DALRD3: variants seen among roughly 807,000 people sequenced by gnomAD.
The protein encoded by DALRD3 is DALR anticodon-binding domain-containing protein 3.
A neutral mutation model predicts 56.7 loss-of-function variants in DALRD3; 47 were observed. That is an observed-to-expected ratio of 0.83 (90% CI 0.66 to 1.06). The LOEUF is 1.06. DALRD3 is among the 50% of genes least tolerant of loss of function. The pLI, the probability that DALRD3 is intolerant of heterozygous loss-of-function variation, is 0.00. For synonymous variants in DALRD3, 347 were observed against 308.5 expected (o/e 1.12, Z -1.31); for missense variants, 787 against 724.0 (o/e 1.09, Z -1.00).
intron 5 of DALRD3, 152 bp downstream of exon 5, chr3:49,017,076 T>C (rs1398201830): frequency 8.9e-6 from 10 of 1,123,872 alleles, no homozygotes; most frequent in Middle Eastern, 2.9e-4. Context: ...CCAGAGCCTC[T>C]GCACCTGCTG....
At position 49,016,328 on chromosome 3, in the gene DALRD3, G is replaced by A. The variant is rs758059740; in HGVS notation, c.1159C>T (p.Leu387=). 6.2e-7 allele frequency: 1 copy of A among 1,607,432 alleles called. No individual in the cohort carries two copies. Among genetic ancestry groups the A allele is most frequent in the Non-Finnish European group, 8.5e-7 (1 of 1,174,704 alleles). Residue 387 remains leucine (L), a synonymous_variant, in exon 9 of 12, where the codon CTG becomes TTG. Coordinates refer to ENST00000341949, the MANE Select transcript of DALRD3 (RefSeq NM_001009996.3). ...TAPQSQLFLA[L]ADSSISTKGT... is the part of the protein sequence containing the mutation. The stretch of plus-strand genomic sequence containing the variant: ...TTCGTGGAGATACTGCTGTCAGCCA[G>A]AGCCAGGAAGAGCTGGGGAATAGAA...
intron 5 of DALRD3, 31 bp downstream of exon 5, chr3:49,017,197 G>A: frequency 6.2e-7 from 1 of 1,614,084 alleles, no homozygotes; most frequent in Non-Finnish European, 8.5e-7. Context: ...GGGTTAGGTG[G>A]TGGGGAGCTC....
chr3:49,018,620 G>A (rs2093123370), upstream of DALRD3: 5 of 1,487,566 alleles, frequency 3.4e-6, no homozygotes, highest in Non-Finnish European at 4.5e-6. Flanking sequence ...TGGAACTTCC[G>A]GAAAGGACCG....
rs1339446414 is a variant in DALRD3, at chr3:49,018,201, A to G, written c.283T>C (p.Phe95Leu). 3 of 1,447,228 alleles carry G rather than the reference A, an allele frequency of 2.1e-6. No individual in the cohort carries two copies. The African/African-American group carries it at 4.4e-5, about 21-fold the overall frequency. 89.6% of individuals were successfully genotyped at this position (1,447,228 alleles called of 1,614,324 possible). ...GCCACGGCGCTGAGGACGCGCTCGAAGACGGCGGACCGCTGCAGTTGGAGA... is the reference window on the plus strand; with the variant it reads ...GCCACGGCGCTGAGGACGCGCTCGAGGACGGCGGACCGCTGCAGTTGGAGA... ...LSLQLQRSAV[F>L]ERVLSAVAAY... is the part of the protein sequence containing the mutation. The change falls in exon 2 of 12, where the codon TTC (phenylalanine) becomes CTC (leucine). Residue 95 changes from phenylalanine (F) to leucine (L), a missense_variant. Transcript: ENST00000341949.
rs1478997046 is a variant in DALRD3, at chr3:49,016,085, C to A, written c.1331G>T (p.Gly444Val). The change falls in exon 10 of 12, where the codon GGT (glycine) becomes GTT (valine). Residue 444 changes from glycine to valine, a missense_variant and splice_region_variant. Physicochemically the swap from Gly to Val is moderately radical, Grantham distance 109. Transcript: ENST00000341949. ...ACTGTTGAAGAGCAACAACCACTCA[C>A]CCTGTTGGGGAGAAAGGTGCTGGGA... Reference protein sequence around the residue: ...SLDFSLLHDEGEWLLLFNSIL... With the variant: ...SLDFSLLHDEVEWLLLFNSIL... 6.2e-7 allele frequency: 1 copy of A among 1,604,424 alleles called. No individual in the cohort carries two copies. The highest frequency in any genetic ancestry group is 1.7e-5 in the Admixed American group (1 of 59,720).
Position 49,016,495 on chromosome 3 carries a change from C to A in DALRD3, c.1080G>T (p.Glu360Asp), listed in dbSNP as rs1213423252. 1 of 1,614,030 alleles carries A rather than the reference C, an allele frequency of 6.2e-7. No homozygotes were observed. The highest frequency in any genetic ancestry group is 8.5e-7 in the Non-Finnish European group (1 of 1,179,968). The change falls in exon 8 of 12, where the codon GAG (glutamate) becomes GAT (aspartate). Residue 360 changes from glutamate (E) to aspartate (D), a missense_variant. By Grantham distance (45) the Glu-to-Asp change is conservative. Coordinates refer to ENST00000341949, the MANE Select transcript of DALRD3 (RefSeq NM_001009996.3). The part of the protein sequence containing the change: ...GDLAQDPAWT[E>D]IFGVLSVATI... ...TGGCCACAGAGAGAACACCAAAGAT[C>A]TCTGTCCAGGCTGGGTCTGAGGGAG...
rs766982007 is a variant in DALRD3, at chr3:49,016,504, G to C, written c.1071C>G (p.Ala357=). ...AGAGAACACCAAAGATCTCTGTCCA[G>C]GCTGGGTCTGAGGGAGTATAGGGTT... is the stretch of plus-strand genomic sequence containing the variant. The part of the protein sequence containing the change: ...KHGGDLAQDP[A]WTEIFGVLSV... Residue 357 remains alanine (A), a synonymous_variant, in exon 8 of 12, where the codon GCC becomes GCG. Coordinates refer to ENST00000341949, the MANE Select transcript of DALRD3 (RefSeq NM_001009996.3). 2.2e-5 allele frequency: 36 copies of C among 1,613,824 alleles called. No homozygotes were observed. Among genetic ancestry groups the C allele is most frequent in the Non-Finnish European group, 7.6e-6 (9 of 1,179,940 alleles).
upstream of DALRD3, chr3:49,021,446 G>C (rs992477712): frequency 3.3e-5 from 5 of 153,116 alleles, no homozygotes; most frequent in South Asian, 5.7e-4. The surrounding 1 kb of genome is among the most constrained non-coding windows in gnomAD (Gnocchi z 4.1). Flanking sequence ...GGTTCGGCCT[G>C]GTCTGGGCCA....
rs1333010340 is a variant in DALRD3, at chr3:49,015,721, G to A, written c.1513-14C>T. 2 of 1,613,974 alleles carry A rather than the reference G, an allele frequency of 1.2e-6. No individual in the cohort carries two copies. Among genetic ancestry groups the A allele is most frequent in the African/African-American group, 2.7e-5 (2 of 74,950 alleles). ...TGGTCGAGGCTCCTGAAAGAGAAAGGGCCTGCTGGTCTCATCCTCTGCTTC... is the reference window on the plus strand; with the variant it reads ...TGGTCGAGGCTCCTGAAAGAGAAAGAGCCTGCTGGTCTCATCCTCTGCTTC... On this transcript the variant is annotated splice_polypyrimidine_tract_variant and intron_variant, in intron 11 of 11. Transcript: ENST00000341949.
In DALRD3 at chr3:49,016,305, C is replaced by A. The variant is rs764055896; in HGVS notation, c.1182G>T (p.Thr394=). The change falls in exon 9 of 12, where the codon ACG becomes ACT. Residue 394 remains threonine (T), a synonymous_variant. Coordinates refer to ENST00000341949, the MANE Select transcript of DALRD3 (RefSeq NM_001009996.3). ...FLALADSSIS[T]KGTKSGTFVM... is the part of the protein sequence containing the mutation. Reference sequence around the variant, plus strand: ...CAAAGGTGCCACTCTTTGTGCCCTTCGTGGAGATACTGCTGTCAGCCAGAG... The same window carrying A: ...CAAAGGTGCCACTCTTTGTGCCCTTAGTGGAGATACTGCTGTCAGCCAGAG... 2 of 1,610,906 alleles carry A rather than the reference C, an allele frequency of 1.2e-6. No homozygotes were observed. The highest frequency in any genetic ancestry group is 1.7e-6 in the Non-Finnish European group (2 of 1,177,448).
chr3:49,017,639 T>C lies in DALRD3; in HGVS notation c.692A>G (p.Tyr231Cys), dbSNP rs61743083. 6.8e-6 allele frequency: 11 copies of C among 1,614,092 alleles called. No individual in the cohort carries two copies. In the African/African-American group the frequency reaches 9.3e-5, roughly 14 times the overall value. Residue 231 changes from tyrosine to cysteine, a missense_variant, in exon 3 of 12, where the codon TAT becomes TGT. By Grantham distance (194) the Tyr-to-Cys change is radical. Coordinates refer to ENST00000341949, the MANE Select transcript of DALRD3 (RefSeq NM_001009996.3). ...CAGACAGTTGTCCAGGTTGGGGTCATAGCCAGCTGTGCGGCCCTGTTCTTC... is the reference window on the plus strand; with the variant it reads ...CAGACAGTTGTCCAGGTTGGGGTCACAGCCAGCTGTGCGGCCCTGTTCTTC... ...LVEEQGRTAG[Y>C]DPNLDNCLVT...
chr3:49,015,928 G>A, intron 10 of DALRD3, 45 bp downstream of exon 10: 1 of 1,614,168 alleles, frequency 6.2e-7, no homozygotes, highest in Non-Finnish European at 8.5e-7. Context: ...CCCCAGGCCA[G>A]AATAAAGAAT....
chr3:49,016,072 C>G lies in DALRD3; in HGVS notation c.1344G>C (p.Leu448Phe). ...GAAAGGGGAGGATACTGTTGAAGAG[C>G]AACAACCACTCACCCTGTTGGGGAG... ...SLLHDEGEWLLLFNSILPFPD... is the reference protein window; with the variant it reads ...SLLHDEGEWLFLFNSILPFPD... The change falls in exon 10 of 12, where the codon TTG becomes TTC. Residue 448 changes from leucine (L) to phenylalanine (F), a missense_variant. Leu to Phe is a conservative substitution (Grantham distance 22, BLOSUM62 0). Transcript: ENST00000341949. The G allele has an allele frequency of 6.2e-7, 1 of 1,602,044 alleles. No individual in the cohort carries two copies. The highest frequency in any genetic ancestry group is 1.7e-5 in the Admixed American group (1 of 59,624).
upstream of DALRD3, chr3:49,020,913 A>T (rs1282177448): frequency 7.5e-6 from 2 of 268,450 alleles, no homozygotes; most frequent in Non-Finnish European, 1.6e-5. Flanking sequence ...TCCGGATTAG[A>T]TCCGTGGGGC....
At chr3:49,018,896 G>A, upstream of DALRD3, 1 of 984,844 alleles carries the variant, frequency 1.0e-6, no homozygotes, top group Non-Finnish European at 1.2e-6. Context: ...AGTCTCACAT[G>A]TTTGTTTTAA....
chr3:49,018,558 T>C lies in DALRD3; in HGVS notation c.7A>G (p.Thr3Ala). MA[T>A]RRLGVGETLG... ...GTCTCCCCGACCCCAAGGCGCCTGG[T>C]CGCCATGGTGACCGGAAGGAGTAAG... Residue 3 changes from threonine to alanine, a missense_variant, in exon 1 of 12, where the codon ACC becomes GCC. By Grantham distance (58) the Thr-to-Ala change is moderately conservative. Transcript: ENST00000341949. 6.4e-7 allele frequency: 1 copy of C among 1,572,526 alleles called. No individual in the cohort carries two copies. The highest frequency in any genetic ancestry group is 8.6e-7 in the Non-Finnish European group (1 of 1,160,906).
upstream of DALRD3, chr3:49,020,119 C>T (rs1266874897): frequency 1.1e-5 from 6 of 533,956 alleles, no homozygotes; most frequent in Non-Finnish European, 2.3e-5. Flanking sequence ...CCTTTCTGGG[C>T]CAGGGCTGAG....
In DALRD3 at chr3:49,018,512, G is replaced by A. The variant is rs746431643; in HGVS notation, c.53C>T (p.Ala18Val). 1 of 1,585,052 alleles carries A rather than the reference G, an allele frequency of 6.3e-7. No homozygotes were observed. The highest frequency in any genetic ancestry group is 1.1e-5 in the South Asian group (1 of 87,526). Residue 18 changes from alanine (A) to valine (V), a missense_variant, in exon 1 of 12, where the codon GCC (alanine) becomes GTC (valine). By Grantham distance (64) the Ala-to-Val change is moderately conservative. Transcript: ENST00000341949. The part of the protein sequence containing the change: ...VGETLGALNA[A>V]LGPGGPVWIK... ...CCACACCGGACCGCCTGGCCCCAGG[G>A]CCGCGTTGAGGGCCCCCAGCGTCTC...
chr3:49,017,939 C>T (rs1317209140), intron 2 of DALRD3, 70 bp from the exon 3 acceptor site: 1 of 1,532,522 alleles, frequency 6.5e-7, no homozygotes, highest in Non-Finnish European at 8.7e-7. Context: ...CACCTCCAGC[C>T]GCAGTCCCCA....
Sources: allele counts gnomAD v4.1 joint callset, GRCh38; gene constraint gnomAD v4.1.1; non-coding constraint Gnocchi (gnomAD v3.1); transcripts MANE v1.5; gene names NCBI Gene and HGNC (gene_info 2026-07-23, HGNC 2026-07-21).